The following PPP1R37 variants were observed in gnomAD, a reference collection of about 807,000 sequenced individuals.
PPP1R37 encodes the protein protein phosphatase 1 regulatory subunit 37, also known as leucine rich repeat containing 68.
Under a neutral mutation model 61.0 loss-of-function variants are expected in PPP1R37, and 21 were observed. That is an observed-to-expected ratio of 0.34 (90% confidence interval 0.24 to 0.50). The LOEUF (loss-of-function observed/expected upper bound fraction) is 0.50, where lower values mean the gene tolerates loss of function less well. Ranked by LOEUF, PPP1R37 falls within the 20% of genes least tolerant of loss-of-function variation. The pLI, the probability that PPP1R37 is intolerant of heterozygous loss-of-function variation, is 0.98. For synonymous variants in PPP1R37, 443 were observed against 433.5 expected (o/e 1.02, Z -0.27); for missense variants, 910 against 952.7 (o/e 0.96, Z 0.59).
rs1968679171 is a variant in PPP1R37, at chr19:45,145,493, C to T, written c.1437C>T (p.Ala479=). The T allele has an allele frequency of 1.3e-6, 2 of 1,534,450 alleles. No individual in the cohort carries two copies. The change falls in exon 11 of 13, where the codon GCC becomes GCT. Residue 479 remains alanine (A), a synonymous_variant. Coordinates refer to ENST00000221462, the MANE Select transcript of PPP1R37 (RefSeq NM_019121.2). The stretch of plus-strand genomic sequence containing the variant: ...CGGCCTCCATGCCTGAGACCACCGC[C>T]ACCGAGCCCCAGCCCGACGACGAGC... ...QLSASMPETT[A]TEPQPDDEPA... is the part of the protein sequence containing the mutation.
chr19:45,110,207 C>T (rs541338671), intron 1 of PPP1R37, among the ~76,000 whole-genome samples: 1 of 151,674 alleles, frequency 6.6e-6, no homozygotes, highest in African/African-American at 2.4e-5. Flanking sequence ...TCTAGATCTC[C>T]TGGGCCCAGG....
intron 1 of PPP1R37, among the ~76,000 whole-genome samples, chr19:45,129,199 T>G (rs1364360434): frequency 6.6e-6 from 1 of 152,110 alleles, no homozygotes; most frequent in Non-Finnish European, 1.5e-5. Flanking sequence ...TTCACCTAGC[T>G]CCCTTGGCCA....
Position 45,093,290 on chromosome 19 carries a change from T to A in PPP1R37, c.-36T>A, listed in dbSNP as rs926465159. The A allele has an allele frequency of 1.7e-5, 23 of 1,356,588 alleles. No individual in the cohort carries two copies. Among genetic ancestry groups the A allele is most frequent in the Non-Finnish European group, 2.2e-5 (23 of 1,057,016 alleles). 84.0% of individuals were successfully genotyped at this position (1,356,588 alleles called of 1,614,324 possible). Reference sequence around the variant, plus strand: ...AGAGACAAATCCGGGGCCCGGGGCATGTCCCCGGGGCCCCCGTGAGGAGGC... The same window carrying A: ...AGAGACAAATCCGGGGCCCGGGGCAAGTCCCCGGGGCCCCCGTGAGGAGGC... On this transcript the variant is annotated 5_prime_UTR_variant, in exon 1 of 13. The change abolishes an upstream ATG in the 5' untranslated region. Coordinates refer to ENST00000221462, the MANE Select transcript of PPP1R37 (RefSeq NM_019121.2).
chr19:45,128,080 TATA>T (rs1968431580), intron 1 of PPP1R37, among the ~76,000 whole-genome samples: 1 of 152,142 alleles, frequency 6.6e-6, no homozygotes, highest in South Asian at 2.1e-4. Context: ...CATAAATATG[TATA>T]ATAATTATGT....
chr19:45,139,287 C>G (rs10401823), intron 2 of PPP1R37, among the ~76,000 whole-genome samples: 14,291 of 152,334 alleles, frequency 0.094, 786 homozygotes, highest in South Asian at 0.13. Flanking sequence ...TACTACAGAT[C>G]TGAAAAGCCA....
chr19:45,123,389 G>A (rs566319241), intron 1 of PPP1R37, among the ~76,000 whole-genome samples: 3 of 152,194 alleles, frequency 2.0e-5, no homozygotes, highest in African/African-American at 7.2e-5. Context: ...GGCAGGACCC[G>A]CTCTCCACAT....
At position 45,145,374 on chromosome 19, in the gene PPP1R37, C is replaced by G; in HGVS notation, c.1318C>G (p.Gln440Glu). 6.5e-7 allele frequency: 1 copy of G among 1,535,192 alleles called. No individual in the cohort carries two copies. Among genetic ancestry groups the G allele is most frequent in the Non-Finnish European group, 8.7e-7 (1 of 1,146,498 alleles). The change falls in exon 11 of 13, where the codon CAG becomes GAG. Residue 440 changes from glutamine to glutamate, a missense_variant. Physicochemically the swap from Gln to Glu is conservative, Grantham distance 29 (BLOSUM62 2). Around this residue, in one of 3 missense-constraint regions of PPP1R37, gnomAD observed 549 missense variants for 505.1 expected, o/e 1.09. Coordinates refer to ENST00000221462, the MANE Select transcript of PPP1R37 (RefSeq NM_019121.2). ...KEAVKSFIET[Q>E]KALLAEIQNG... ...ACAGGTGAAGAGCTTCATCGAGACGCAGAAGGCGCTGCTGGCCGAGATCCA... is the reference window on the plus strand; with the variant it reads ...ACAGGTGAAGAGCTTCATCGAGACGGAGAAGGCGCTGCTGGCCGAGATCCA...
chr19:45,098,852 G>A (rs1192311183), intron 1 of PPP1R37, among the ~76,000 whole-genome samples: 3 of 152,058 alleles, frequency 2.0e-5, no homozygotes, highest in Non-Finnish European at 2.9e-5. Context: ...GGGTCGAGGC[G>A]GGTGCTTTGA....
rs1422112996 is a variant in PPP1R37 at position 45,141,363 on chromosome 19, G to A, written c.489G>A (p.Ser163=). The change falls in exon 5 of 13, where the codon TCG becomes TCA. Residue 163 remains serine (S), a synonymous_variant. Transcript: ENST00000221462. ...ALFDMIEYYE[S]ATHLNISFNK... ...TCGACATGATCGAGTACTACGAGTC[G>A]GCCACCCACCTCAACATCTCCTTCA... The A allele has an allele frequency of 7.8e-6, 12 of 1,535,870 alleles. No individual in the cohort carries two copies. Among genetic ancestry groups the A allele is most frequent in the East Asian group, 2.4e-5 (1 of 40,892 alleles).
At chr19:45,128,228 C>T (rs182636587) in intron 1 of PPP1R37, among the ~76,000 whole-genome samples, 1 of 152,342 alleles carries the variant, frequency 6.6e-6, no homozygotes, top group African/African-American at 2.4e-5. Flanking sequence ...CTGGAAGGAT[C>T]TCTGATGGAG....
intron 12 of PPP1R37, 32 bp downstream of exon 12, chr19:45,146,512 G>T (rs1968703438): frequency 1.4e-6 from 2 of 1,457,422 alleles, no homozygotes; most frequent in Non-Finnish European, 1.9e-6. Flanking sequence ...ACAGCACTCG[G>T]GAGGAGCTGA....
At chr19:45,138,905 CTTTTTTTTT>C (rs34081163) in intron 2 of PPP1R37, among the ~76,000 whole-genome samples, 1 of 73,052 alleles carries the variant, frequency 1.4e-5, no homozygotes, top group African/African-American at 5.4e-5. Context: ...TTTATGTATT[CTTTTTTTTT>C]TTTTTTTTTT....
chr19:45,106,567 C>T (rs956257398), intron 1 of PPP1R37, among the ~76,000 whole-genome samples: 3 of 152,044 alleles, frequency 2.0e-5, no homozygotes, highest in South Asian at 4.1e-4. Context: ...ATGAGGTCTT[C>T]CTCTGTCGCC....
intron 1 of PPP1R37, among the ~76,000 whole-genome samples, chr19:45,116,006 G>C (rs1289028064): frequency 3.3e-5 from 5 of 151,946 alleles, no homozygotes; most frequent in Admixed American, 2.6e-4. Context: ...TGTCACATGG[G>C]GGGACTCGGG....
At position 45,097,265 on chromosome 19, in the gene PPP1R37, A is replaced by G. The variant is rs375512301; in HGVS notation, c.202+3738A>G. ...ACAGGGGGTGTCATTTGAGCTGTGGATCTAGTGGAAGGGTGGCGTGACCCC... is the reference window on the plus strand; with the variant it reads ...ACAGGGGGTGTCATTTGAGCTGTGGGTCTAGTGGAAGGGTGGCGTGACCCC... On this transcript the variant is annotated intron_variant, in intron 1 of 12. Transcript: ENST00000221462. 4.6e-5 allele frequency among the ~76,000 whole-genome samples: 7 copies of G among 151,856 alleles called. 1 individual carries two copies. Among genetic ancestry groups the G allele is most frequent in the African/African-American group, 1.7e-4 (7 of 41,390 alleles).
intron 1 of PPP1R37, 123 bp downstream of exon 1, chr19:45,093,650 G>T (rs992028969): frequency 7.4e-6 from 5 of 675,862 alleles, no homozygotes; most frequent in Non-Finnish European, 1.2e-5. Context: ...TAAGGGGACA[G>T]TCGTCAGTTT....
intron 1 of PPP1R37, among the ~76,000 whole-genome samples, chr19:45,133,741 A>T (rs753310645): frequency 2.0e-5 from 3 of 152,186 alleles, no homozygotes; most frequent in Non-Finnish European, 4.4e-5. Flanking sequence ...GACAAAGATC[A>T]CCTGCTTCCT....
rs557852459 is a variant in PPP1R37, at chr19:45,100,605, G to A, written c.202+7078G>A. On this transcript the variant is annotated intron_variant, in intron 1 of 12. Coordinates refer to ENST00000221462, the MANE Select transcript of PPP1R37 (RefSeq NM_019121.2). ...TTCAAATCCAGGCAGCCAGCCTGGC[G>A]CCGAAGCCTGCGCAGTAATAACCCC... Among the ~76,000 whole-genome samples the A allele has an allele frequency of 2.0e-5, 3 of 152,328 alleles. No individual in the cohort carries two copies. In the East Asian group the frequency reaches 5.8e-4, roughly 29 times the overall value.
chr19:45,113,585 C>T (rs950125971), intron 1 of PPP1R37, among the ~76,000 whole-genome samples: 1 of 152,212 alleles, frequency 6.6e-6, no homozygotes, highest in Admixed American at 6.5e-5. Context: ...GAGAGCTTTA[C>T]CTCCTGTCCT....
Sources: allele counts gnomAD v4.1 joint callset (sites outside exome capture counted in the v4.1 genomes callset), GRCh38; gene constraint gnomAD v4.1.1; regional missense constraint gnomAD v4.1.1; transcripts MANE v1.5; gene names NCBI Gene and HGNC (gene_info 2026-07-23, HGNC 2026-07-21).